Variants in CBLB observed in about 807,000 individuals in gnomAD.
The protein encoded by CBLB is Cbl proto-oncogene B.
In CBLB, 31 loss-of-function variants were observed where a neutral mutation model predicts 104.9. That is an observed-to-expected ratio of 0.30 (90% CI 0.22 to 0.40). The LOEUF is 0.40. CBLB is among the 10% of genes least tolerant of loss of function. The pLI is 1.00. For synonymous variants in CBLB, 440 were observed against 422.6 expected (o/e 1.04, Z -0.51); for missense variants, 1,062 against 1,214.6 (o/e 0.87, Z 1.87).
chr3:105,761,078 G>A (rs2077575050), intron 4 of CBLB, among the ~76,000 whole-genome samples: 1 of 152,136 alleles, frequency 6.6e-6, no homozygotes, highest in African/African-American at 2.4e-5. Flanking sequence ...TGTCACCCAG[G>A]CTGGAGTGCA....
intron 3 of CBLB, 93 bp from the exon 4 acceptor site, chr3:105,776,635 A>T: frequency 8.5e-7 from 1 of 1,174,314 alleles, no homozygotes; most frequent in Non-Finnish European, 1.3e-6. Context: ...AAACAATGTT[A>T]TGTATGTATC....
At chr3:105,766,631 A>T (rs772484744) in intron 4 of CBLB, among the ~76,000 whole-genome samples, 6 of 150,476 alleles carry the variant, frequency 4.0e-5, no homozygotes, top group Non-Finnish European at 8.9e-5. Context: ...ATTTTTTAGC[A>T]ATTCTTTTTT....
At chr3:105,839,526 A>T (rs963887937) in intron 3 of CBLB, 1 of 152,276 alleles carries the variant, frequency 6.6e-6, no homozygotes, top group African/African-American at 2.4e-5. Context: ...ATTTAAGTTT[A>T]AAAATGCCAA....
intron 3 of CBLB, among the ~76,000 whole-genome samples, chr3:105,843,518 T>C (rs540283822): frequency 1.8e-4 from 28 of 152,266 alleles, no homozygotes; most frequent in African/African-American, 6.5e-4. Flanking sequence ...ATATTATAAA[T>C]GTAAATTAAA....
At chr3:105,791,390 C>G (rs567965023) in intron 3 of CBLB, among the ~76,000 whole-genome samples, 11 of 152,276 alleles carry the variant, frequency 7.2e-5, no homozygotes, top group African/African-American at 2.4e-4. Flanking sequence ...TCCCTCACTT[C>G]CAGAAATGAT....
At chr3:105,792,305 C>G (rs754711220) in intron 3 of CBLB, among the ~76,000 whole-genome samples, 4 of 152,122 alleles carry the variant, frequency 2.6e-5, no homozygotes, top group Non-Finnish European at 5.9e-5. Flanking sequence ...AAAGCAATTC[C>G]TCTCTGTTGT....
At chr3:105,827,242 G>A (rs71327587) in intron 3 of CBLB, among the ~76,000 whole-genome samples, 1,870 of 152,032 alleles carry the variant, frequency 0.012, 18 homozygotes, top group Non-Finnish European at 0.019. Flanking sequence ...AGTAAATGAC[G>A]TAAGTAACCT....
At chr3:105,832,027 T>A (rs569268404) in intron 3 of CBLB, among the ~76,000 whole-genome samples, 189 of 151,726 alleles carry the variant, frequency 1.2e-3, no homozygotes, top group African/African-American at 1.6e-3. Flanking sequence ...CAGGAAATTT[T>A]AAAAAAAAAT....
chr3:105,787,931 T>C (rs984824396), intron 3 of CBLB, among the ~76,000 whole-genome samples: 6 of 152,188 alleles, frequency 3.9e-5, no homozygotes, highest in East Asian at 1.9e-4. Context: ...CTGTGTTTCA[T>C]GTTAATGAAT....
At chr3:105,758,424 G>A (rs2077274258) in intron 4 of CBLB, among the ~76,000 whole-genome samples, 1 of 152,170 alleles carries the variant, frequency 6.6e-6, no homozygotes, top group Admixed American at 6.5e-5. Context: ...TGTCTCTAGT[G>A]CAGATAAGCA....
At chr3:105,851,445 T>C (rs568026600) in intron 3 of CBLB, among the ~76,000 whole-genome samples, 2 of 152,196 alleles carry the variant, frequency 1.3e-5, no homozygotes, top group Non-Finnish European at 2.9e-5. Context: ...TATATAACAC[T>C]GTAATGGTGG....
intron 2 of CBLB, among the ~76,000 whole-genome samples, chr3:105,862,926 A>G (rs1279797833): frequency 6.6e-6 from 1 of 152,098 alleles, no homozygotes; most frequent in Non-Finnish European, 1.5e-5. Context: ...CACGTACTAC[A>G]TCTCAGCACT....
intron 14 of CBLB, among the ~76,000 whole-genome samples, chr3:105,683,605 TTTAG>T (rs1351341741): frequency 6.6e-6 from 1 of 152,192 alleles, no homozygotes; most frequent in African/African-American, 2.4e-5. Context: ...CTCATCCTAC[TTTAG>T]TTTTTAAAAA....
At chr3:105,695,391 C>T (rs1251491577) in intron 12 of CBLB, among the ~76,000 whole-genome samples, 2 of 151,706 alleles carry the variant, frequency 1.3e-5, no homozygotes, top group Non-Finnish European at 3.0e-5. Context: ...ATTGAAATTG[C>T]TTTCATCTTG....
intron 2 of CBLB, among the ~76,000 whole-genome samples, chr3:105,860,763 TAGA>T (rs940931896): frequency 1.3e-5 from 2 of 152,170 alleles, no homozygotes; most frequent in African/African-American, 4.8e-5. Context: ...TCATGATTTT[TAGA>T]AGCTCTTTTA....
chr3:105,857,781 G>A (rs1422305749), intron 2 of CBLB, among the ~76,000 whole-genome samples: 1 of 152,112 alleles, frequency 6.6e-6, no homozygotes, highest in Non-Finnish European at 1.5e-5. Flanking sequence ...AACACAGAAA[G>A]GAATAAATCA....
intron 3 of CBLB, among the ~76,000 whole-genome samples, chr3:105,807,436 A>G (rs2083661786): frequency 1.3e-5 from 2 of 152,158 alleles, no homozygotes; most frequent in African/African-American, 4.8e-5. Context: ...CTAACTAGCA[A>G]TATAATCTTG....
At chr3:105,796,305 C>T (rs185549741) in intron 3 of CBLB, among the ~76,000 whole-genome samples, 1 of 152,256 alleles carries the variant, frequency 6.6e-6, no homozygotes, top group Non-Finnish European at 1.5e-5. Context: ...CTACAACCAT[C>T]TGATCTTTGA....
At chr3:105,765,755 G>C (rs572567663) in intron 4 of CBLB, among the ~76,000 whole-genome samples, 1 of 152,116 alleles carries the variant, frequency 6.6e-6, no homozygotes, top group African/African-American at 2.4e-5. Context: ...TTTCAAAATA[G>C]TACTGCTCAT....
Sources: gnomAD v4.1 joint callset for allele counts (sites outside exome capture counted in the v4.1 genomes callset) on GRCh38, gnomAD v4.1.1 for gene constraint, MANE v1.5 for transcripts, NCBI Gene and HGNC (gene_info 2026-07-23, HGNC 2026-07-21) for gene names.